Variants in TAOK1 observed in about 807,000 individuals in gnomAD.
TAOK1 encodes the protein serine/threonine-protein kinase TAO1.
In TAOK1, 21 loss-of-function variants were observed where a neutral mutation model predicts 138.3. The observed-to-expected ratio is 0.15, with a 90% CI of 0.11 to 0.22. TAOK1 has a LOEUF of 0.22. Ranked by LOEUF, TAOK1 falls within the 10% of genes least tolerant of loss-of-function variation. TAOK1 has a pLI of 1.00. For missense variants in TAOK1, 651 were observed against 1,227.7 expected (o/e 0.53, Z 7.02); for synonymous variants, 361 against 398.4 (o/e 0.91, Z 1.12).
chr17:29,440,483 A>G (rs536555112), intron 1 of TAOK1, among the ~76,000 whole-genome samples: 23 of 149,776 alleles, frequency 1.5e-4, no homozygotes, highest in African/African-American at 5.6e-4. Flanking sequence ...TATTAAAAGG[A>G]AACAGCTGGA....
At position 29,541,242 on chromosome 17, in the gene TAOK1, A is replaced by G. The variant is rs1405261937; in HGVS notation, c.2545-1319A>G. 2.7e-5 allele frequency among the ~76,000 whole-genome samples: 4 copies of G among 150,512 alleles called. No individual in the cohort carries two copies. In the East Asian group the frequency reaches 8.1e-4, roughly 30 times the overall value. ...CTCCTGCCTCAGCCTCCCAAGAAGCAGGGATTACAGACGTGTGCCACCGCG... is the reference window on the plus strand; with the variant it reads ...CTCCTGCCTCAGCCTCCCAAGAAGCGGGGATTACAGACGTGTGCCACCGCG... On this transcript the variant is annotated intron_variant, in intron 19 of 19. Transcript: ENST00000261716.
At chr17:29,518,095 G>T (rs2031849862) in intron 16 of TAOK1, among the ~76,000 whole-genome samples, 1 of 152,070 alleles carries the variant, frequency 6.6e-6, no homozygotes, top group Non-Finnish European at 1.5e-5. Context: ...GCCTCATGCG[G>T]TCTGCCCGTC....
intron 2 of TAOK1, among the ~76,000 whole-genome samples, chr17:29,454,822 C>T (rs1156783067): frequency 1.3e-5 from 2 of 152,116 alleles, no homozygotes; most frequent in African/African-American, 4.8e-5. Flanking sequence ...CTGCCTCAGC[C>T]TCTCAAGTAG....
chr17:29,533,935 C>T (rs536362779), intron 18 of TAOK1, among the ~76,000 whole-genome samples, 183 bp from the exon 19 acceptor site: 139 of 151,888 alleles, frequency 9.2e-4, no homozygotes, highest in African/African-American at 3.2e-3. Flanking sequence ...ATCTTCATAC[C>T]GATATTGGTT....
At chr17:29,465,607 G>A (rs1375748224) in intron 2 of TAOK1, among the ~76,000 whole-genome samples, 1 of 151,960 alleles carries the variant, frequency 6.6e-6, no homozygotes, top group East Asian at 1.9e-4. Flanking sequence ...AAGTTTTGTA[G>A]CCATCACTAC....
intron 16 of TAOK1, among the ~76,000 whole-genome samples, chr17:29,518,932 A>G (rs1233735644): frequency 6.6e-6 from 1 of 151,860 alleles, no homozygotes; most frequent in African/African-American, 2.4e-5. Flanking sequence ...ACACCCAGCT[A>G]ATTTTTGTAT....
At chr17:29,391,799 T>G (rs1314241172) in intron 1 of TAOK1, among the ~76,000 whole-genome samples, 3 of 152,206 alleles carry the variant, frequency 2.0e-5, no homozygotes, top group African/African-American at 7.2e-5. Context: ...GTCTCTCTTT[T>G]TGAGAGATGT....
chr17:29,470,865 G>A (rs1210087400), intron 3 of TAOK1, among the ~76,000 whole-genome samples: 2 of 152,216 alleles, frequency 1.3e-5, no homozygotes, highest in Non-Finnish European at 2.9e-5. Flanking sequence ...GCTTACGCCT[G>A]TAATCCCAGC....
intron 11 of TAOK1, among the ~76,000 whole-genome samples, chr17:29,498,002 T>C (rs949684949): frequency 6.6e-6 from 1 of 152,208 alleles, no homozygotes. Context: ...AGATGTACTG[T>C]AGAAATGGTT....
At chr17:29,413,805 A>G (rs184226336) in intron 1 of TAOK1, among the ~76,000 whole-genome samples, 4 of 150,416 alleles carry the variant, frequency 2.7e-5, no homozygotes, top group Admixed American at 1.3e-4. Context: ...TTCTGTGTCT[A>G]TGGATTTGGA....
chr17:29,440,182 T>A (rs940070314), intron 1 of TAOK1, among the ~76,000 whole-genome samples: 26 of 152,314 alleles, frequency 1.7e-4, no homozygotes, highest in African/African-American at 5.3e-4. Flanking sequence ...CTTGCATTTT[T>A]AAAAATCACA....
chr17:29,517,660 A>G lies in TAOK1; in HGVS notation c.1908+4A>G. On this transcript the variant is annotated splice_donor_region_variant and intron_variant, in intron 16 of 19. Coordinates refer to ENST00000261716, the MANE Select transcript of TAOK1 (RefSeq NM_020791.4). ...AGAGCAGGACCTTGTCAGGGAGGTA[A>G]GTTTGAGTGATGAGAAATTTTAAAT... The G allele has an allele frequency of 6.3e-7, 1 of 1,587,570 alleles. No homozygotes were observed. The highest frequency in any genetic ancestry group is 1.1e-5 in the South Asian group (1 of 87,280).
At position 29,545,071 on chromosome 17, in the gene TAOK1, G is replaced by C. The variant is rs189166882; in HGVS notation, c.*2049G>C. On this transcript the variant is annotated 3_prime_UTR_variant, in exon 20 of 20. Coordinates refer to ENST00000261716, the MANE Select transcript of TAOK1 (RefSeq NM_020791.4). ...TTTTTAAAACCAAGATCACCATAGA[G>C]TTCACACAAAATTTTAGGCAGTGTT... 2.8e-4 allele frequency: 42 copies of C among 152,282 alleles called. No homozygotes were observed. In the East Asian group the frequency reaches 7.7e-3, roughly 28 times the overall value. 9.4% of individuals were successfully genotyped at this position (152,282 alleles called of 1,614,324 possible).
chr17:29,488,464 G>A (rs1301089364), intron 8 of TAOK1, among the ~76,000 whole-genome samples: 1 of 148,010 alleles, frequency 6.8e-6, no homozygotes, highest in Admixed American at 6.7e-5. Context: ...CAGGTACTCG[G>A]GAGGCTGAGA....
intron 1 of TAOK1, among the ~76,000 whole-genome samples, chr17:29,417,629 C>T (rs534918315): frequency 5.7e-4 from 87 of 152,234 alleles, no homozygotes; most frequent in Non-Finnish European, 5.9e-5. Context: ...GGGCCCCTTC[C>T]CTATAGTTTC....
At chr17:29,476,827 T>G (rs903020033) in intron 4 of TAOK1, among the ~76,000 whole-genome samples, 3 of 152,024 alleles carry the variant, frequency 2.0e-5, no homozygotes, top group African/African-American at 7.2e-5. Context: ...TATTGTTATA[T>G]TGTCATTTTT....
chr17:29,514,249 G>T (rs2031775295), intron 15 of TAOK1: 1 of 152,100 alleles, frequency 6.6e-6, no homozygotes, highest in South Asian at 2.1e-4. Context: ...TTATGTGTTT[G>T]AATATTTTAT....
At chr17:29,397,077 C>A (rs1436535593) in intron 1 of TAOK1, among the ~76,000 whole-genome samples, 1 of 143,532 alleles carries the variant, frequency 7.0e-6, no homozygotes, top group African/African-American at 2.6e-5. Context: ...GGTGGATCAC[C>A]TGAGGTCAGG....
intron 2 of TAOK1, 68 bp from the exon 3 acceptor site, chr17:29,467,077 C>G (rs1325060914): frequency 8.2e-7 from 1 of 1,224,920 alleles, no homozygotes; most frequent in Non-Finnish European, 1.1e-6. Context: ...TTTATATTCG[C>G]AAAGAAATAG....
Sources: gnomAD v4.1 joint callset for allele counts (sites outside exome capture counted in the v4.1 genomes callset) on GRCh38, gnomAD v4.1.1 for gene constraint, MANE v1.5 for transcripts, NCBI Gene and HGNC (gene_info 2026-07-23, HGNC 2026-07-21) for gene names.